Variants in ERC2 observed in about 807,000 individuals in gnomAD.
ERC2 encodes the protein ELKS/RAB6-interacting/CAST family member 2, also known as ERC protein 2.
ERC2 carries 42 observed loss-of-function variants against 114.8 expected under a neutral mutation model. The observed-to-expected ratio is 0.37, with a 90% confidence interval of 0.29 to 0.47. The LOEUF (loss-of-function observed/expected upper bound fraction) is 0.47, where lower values mean the gene tolerates loss of function less well. Ranked by LOEUF, ERC2 falls within the 20% of genes least tolerant of loss-of-function variation. The pLI, the probability that ERC2 is intolerant of heterozygous loss-of-function variation, is 0.99. For synonymous variants in ERC2, 454 were observed against 425.5 expected (o/e 1.07, Z -0.82); for missense variants, 939 against 1,150.7 (o/e 0.82, Z 2.66).
intron 3 of ERC2, among the ~76,000 whole-genome samples, chr3:56,249,297 G>C (rs1418044004): frequency 6.6e-6 from 1 of 152,046 alleles, no homozygotes; most frequent in East Asian, 1.9e-4. Context: ...TGCAGTCCTT[G>C]CTGGGCCACT....
At chr3:55,644,262 G>A (rs975058177) in intron 17 of ERC2, among the ~76,000 whole-genome samples, 1 of 152,132 alleles carries the variant, frequency 6.6e-6, no homozygotes, top group Non-Finnish European at 1.5e-5. Flanking sequence ...AGAGAGAATA[G>A]AAAACACGTC....
At chr3:56,316,629 CAT>C (rs1417905608) in intron 2 of ERC2, among the ~76,000 whole-genome samples, 1 of 151,984 alleles carries the variant, frequency 6.6e-6, no homozygotes, top group Non-Finnish European at 1.5e-5. Flanking sequence ...CACACACACA[CAT>C]ATATACAGTA....
intron 14 of ERC2, among the ~76,000 whole-genome samples, chr3:55,750,117 A>T (rs530600683): frequency 7.2e-4 from 110 of 152,258 alleles, no homozygotes; most frequent in African/African-American, 2.6e-3. Flanking sequence ...GTTATGAAGG[A>T]TCAGCAATGG....
At chr3:56,015,991 G>A (rs2073279007) in intron 8 of ERC2, among the ~76,000 whole-genome samples, 2 of 152,136 alleles carry the variant, frequency 1.3e-5, no homozygotes, top group Non-Finnish European at 2.9e-5. Context: ...TGTGTTGGCT[G>A]CATAAATGTC....
intron 6 of ERC2, among the ~76,000 whole-genome samples, chr3:56,134,211 G>T (rs192347181): frequency 6.6e-6 from 1 of 152,174 alleles, no homozygotes; most frequent in African/African-American, 2.4e-5. Context: ...ATTTCTTCGT[G>T]TCTTCTTTCC....
chr3:56,102,441 G>A (rs2078413279), intron 6 of ERC2, among the ~76,000 whole-genome samples: 1 of 152,078 alleles, frequency 6.6e-6, no homozygotes, highest in Non-Finnish European at 1.5e-5. Flanking sequence ...AAGAACACGG[G>A]GTGAGAACAG....
intron 3 of ERC2, among the ~76,000 whole-genome samples, chr3:56,190,612 A>T (rs1450572134): frequency 6.6e-6 from 1 of 151,636 alleles, no homozygotes; most frequent in Non-Finnish European, 1.5e-5. Flanking sequence ...ACTTTTTAAA[A>T]TTTTTTTGTA....
intron 3 of ERC2, among the ~76,000 whole-genome samples, chr3:56,218,504 G>C (rs2049661000): frequency 6.6e-6 from 1 of 152,224 alleles, no homozygotes; most frequent in Admixed American, 6.5e-5. Flanking sequence ...GTGCTAAAGA[G>C]GATGTGGAGA....
intron 14 of ERC2, among the ~76,000 whole-genome samples, chr3:55,778,242 G>A (rs977012235): frequency 6.6e-6 from 1 of 152,156 alleles, no homozygotes; most frequent in Non-Finnish European, 1.5e-5. Context: ...TCCTCAGAGG[G>A]CTACTGGAGA....
At chr3:55,898,719 A>AT (rs543601529) in intron 13 of ERC2, among the ~76,000 whole-genome samples, 20 of 149,314 alleles carry the variant, frequency 1.3e-4, no homozygotes, top group South Asian at 4.3e-4. Context: ...TTGGATTTCC[A>AT]TTTTTTTTTT....
intron 17 of ERC2, among the ~76,000 whole-genome samples, chr3:55,650,852 C>CT (rs1285001832): frequency 8.4e-6 from 1 of 118,962 alleles, no homozygotes; most frequent in African/African-American, 3.0e-5. Context: ...TTTTTTTTTT[C>CT]TTTTTTTTTT....
rs374454474 is a variant in ERC2, at chr3:56,218,856, G to A, written c.1075-45336C>T. Among the ~76,000 whole-genome samples the A allele has an allele frequency of 2.6e-3, 391 of 152,228 alleles. 1 individual carries two copies. Among genetic ancestry groups the A allele is most frequent in the South Asian group, 0.018 (87 of 4,812 alleles). On this transcript the variant is annotated intron_variant, in intron 3 of 17. Transcript: ENST00000288221. Reference sequence around the variant, plus strand: ...CCTTTGTAGGGACATGGATGAAGCTGGAAACCATCATTCTCAGCAAACTAT... The same window carrying A: ...CCTTTGTAGGGACATGGATGAAGCTAGAAACCATCATTCTCAGCAAACTAT...
chr3:55,809,082 T>C (rs1414058566), intron 14 of ERC2, among the ~76,000 whole-genome samples: 1 of 151,974 alleles, frequency 6.6e-6, no homozygotes. Flanking sequence ...CTTTCAGAAA[T>C]AAGATGGAAA....
At chr3:55,585,306 C>T (rs1421378833) in intron 17 of ERC2, among the ~76,000 whole-genome samples, 1 of 152,178 alleles carries the variant, frequency 6.6e-6, no homozygotes, top group African/African-American at 2.4e-5. Context: ...CCTGTTTCTC[C>T]TGTTTTAGGG....
intron 14 of ERC2, among the ~76,000 whole-genome samples, chr3:55,870,322 G>A (rs1223270464): frequency 4.6e-5 from 7 of 152,238 alleles, no homozygotes; most frequent in Non-Finnish European, 8.8e-5. Flanking sequence ...TGATCCTCCC[G>A]CCTCAGCCTC....
chr3:56,054,916 C>T (rs1209832070), intron 7 of ERC2, among the ~76,000 whole-genome samples: 1 of 152,112 alleles, frequency 6.6e-6, no homozygotes, highest in Non-Finnish European at 1.5e-5. Flanking sequence ...TATCAAAAAG[C>T]GATTAAGATC....
chr3:55,694,234 T>C (rs1359097498), intron 16 of ERC2, among the ~76,000 whole-genome samples: 1 of 152,174 alleles, frequency 6.6e-6, no homozygotes, highest in Non-Finnish European at 1.5e-5. Flanking sequence ...ACTTTCAGTT[T>C]TGTGACTCTG....
At chr3:56,435,839 T>C (rs1269695037) in intron 1 of ERC2, among the ~76,000 whole-genome samples, 2 of 152,206 alleles carry the variant, frequency 1.3e-5, no homozygotes, top group Non-Finnish European at 2.9e-5. Flanking sequence ...AGATCCTCAA[T>C]GATATTACCA....
At chr3:55,576,316 A>T (rs2107542644) in intron 17 of ERC2, among the ~76,000 whole-genome samples, 1 of 152,234 alleles carries the variant, frequency 6.6e-6, no homozygotes, top group Admixed American at 6.5e-5. Context: ...TCTCAAAAAA[A>T]AAAAAAAATA....
Sources: gnomAD v4.1 joint callset for allele counts (sites outside exome capture counted in the v4.1 genomes callset) on GRCh38, gnomAD v4.1.1 for gene constraint, MANE v1.5 for transcripts, NCBI Gene and HGNC (gene_info 2026-07-23, HGNC 2026-07-21) for gene names.